The following EML4 variants were observed in gnomAD, a reference collection of about 807,000 sequenced individuals.
EML4 encodes EMAP like 4.
Under a neutral mutation model 129.0 loss-of-function variants are expected in EML4, and 72 were observed. The ratio of observed to expected loss-of-function variants is 0.56; its 90% CI spans 0.46 to 0.68. The LOEUF (loss-of-function observed/expected upper bound fraction) is 0.68. Among genes scored for constraint, EML4 ranks in the 30% least tolerant of loss-of-function variants. The pLI is 0.00. For synonymous variants in EML4, 532 were observed against 405.0 expected, an observed-to-expected ratio of 1.31 and a Z score of -3.77; for missense variants, 1,363 against 1,190.6, an observed-to-expected ratio of 1.14 and a Z score of -2.13.
chr2:42,299,006 G>A (rs576030846), intron 13 of EML4, among the ~76,000 whole-genome samples: 6 of 152,236 alleles, frequency 3.9e-5, no homozygotes, highest in East Asian at 1.9e-4. Context: ...CCTCCCTCTC[G>A]TGGTAACATC....
chr2:42,222,655 C>A (rs1461969258), intron 1 of EML4, among the ~76,000 whole-genome samples: 1 of 152,126 alleles, frequency 6.6e-6, no homozygotes, highest in Non-Finnish European at 1.5e-5. Flanking sequence ...TTTTCAAAAA[C>A]AGGACATAAA....
chr2:42,273,831 G>A (rs985842360), intron 6 of EML4, among the ~76,000 whole-genome samples: 2 of 152,012 alleles, frequency 1.3e-5, no homozygotes, highest in African/African-American at 4.8e-5. Flanking sequence ...TACATTTTAT[G>A]ATTTAACTAT....
intron 9 of EML4, among the ~76,000 whole-genome samples, chr2:42,285,225 A>G (rs1457043287): frequency 6.6e-6 from 1 of 152,096 alleles, no homozygotes; most frequent in African/African-American, 2.4e-5. Context: ...TCTTGATTTT[A>G]TGTGTGACTA....
intron 19 of EML4, among the ~76,000 whole-genome samples, chr2:42,322,910 A>G (rs1669593690): frequency 6.6e-6 from 1 of 152,208 alleles, no homozygotes; most frequent in Non-Finnish European, 1.5e-5. Context: ...TCTAAATATG[A>G]GTTAATAACT....
chr2:42,234,730 T>C (rs1363855604), intron 1 of EML4, among the ~76,000 whole-genome samples: 2 of 152,242 alleles, frequency 1.3e-5, no homozygotes, highest in East Asian at 3.8e-4. Flanking sequence ...TGAAAAAAGA[T>C]GGTCATGTAT....
At position 42,245,345 on chromosome 2, in the gene EML4, C is replaced by G. The variant is rs541463408; in HGVS notation, c.26-160C>G. On this transcript the variant is annotated intron_variant, in intron 1 of 22. Coordinates refer to ENST00000318522, the MANE Select transcript of EML4 (RefSeq NM_019063.5). ...TCCTGACCTCAGGTGATCTGCCTCT[C>G]TTGGCCCCTCAAAGTTCTGGAAGTA... 3.3e-5 allele frequency among the ~76,000 whole-genome samples: 5 copies of G among 151,838 alleles called. No homozygotes were observed. The South Asian group carries it at 1.0e-3, about 32-fold the overall frequency.
At chr2:42,310,438 T>A (rs1668873133) in intron 17 of EML4, among the ~76,000 whole-genome samples, 1 of 151,904 alleles carries the variant, frequency 6.6e-6, no homozygotes, top group Non-Finnish European at 1.5e-5. Flanking sequence ...CTCTGCCTCC[T>A]GGGTTCAAGT....
chr2:42,311,155 A>G (rs1021314392), intron 17 of EML4, among the ~76,000 whole-genome samples: 3 of 152,174 alleles, frequency 2.0e-5, no homozygotes, highest in Non-Finnish European at 2.9e-5. Context: ...CAAAACAGAC[A>G]CTCTAGGGTT....
intron 1 of EML4, among the ~76,000 whole-genome samples, chr2:42,213,825 T>C (rs988080907): frequency 6.6e-6 from 1 of 152,234 alleles, no homozygotes; most frequent in African/African-American, 2.4e-5. Flanking sequence ...GAAAGTACTT[T>C]TGTGTTTTCT....
chr2:42,226,980 C>T (rs530659111), intron 1 of EML4, among the ~76,000 whole-genome samples: 8 of 152,256 alleles, frequency 5.3e-5, no homozygotes, highest in Middle Eastern at 3.4e-3. Context: ...CACAAAATTT[C>T]CATGAAATTC....
chr2:42,237,378 G>T (rs561595075), intron 1 of EML4, among the ~76,000 whole-genome samples: 1 of 152,078 alleles, frequency 6.6e-6, no homozygotes, highest in South Asian at 2.1e-4. Context: ...GGTTTTTTTG[G>T]TGTCTTTTTT....
chr2:42,296,488 T>C (rs1339204813), intron 13 of EML4, among the ~76,000 whole-genome samples: 3 of 151,852 alleles, frequency 2.0e-5, no homozygotes, highest in Admixed American at 6.6e-5. Flanking sequence ...TCTCTCTCTC[T>C]CTCTCTCTCT....
At chr2:42,283,948 A>C (rs1021477331) in intron 8 of EML4, among the ~76,000 whole-genome samples, 2 of 152,204 alleles carry the variant, frequency 1.3e-5, no homozygotes, top group African/African-American at 2.4e-5. Context: ...TTCACAGTGT[A>C]CAACCGTTGT....
chr2:42,292,323 G>A, intron 11 of EML4, among the ~76,000 whole-genome samples: 1 of 152,174 alleles, frequency 6.6e-6, no homozygotes, highest in East Asian at 1.9e-4. Flanking sequence ...TTGCTAGAAG[G>A]CAAATAGCAG....
chr2:42,170,484 G>A (rs974363656), intron 1 of EML4, among the ~76,000 whole-genome samples: 2 of 152,242 alleles, frequency 1.3e-5, no homozygotes, highest in African/African-American at 4.8e-5. Context: ...AGAAAGGGAA[G>A]AGGTTATTAA....
chr2:42,257,011 A>G lies in EML4; in HGVS notation c.338+381A>G, dbSNP rs1474423789. 2.6e-5 allele frequency among the ~76,000 whole-genome samples: 4 copies of G among 152,224 alleles called. No homozygotes were observed. In the East Asian group the frequency reaches 5.8e-4, roughly 22 times the overall value. ...AAAGGCAAAACAGAATCTTCGATAT[A>G]TCTATGTTAGTGGGAGGTCAAATGC... is the stretch of plus-strand genomic sequence containing the variant. On this transcript the variant is annotated intron_variant, in intron 3 of 22. Coordinates refer to ENST00000318522, the MANE Select transcript of EML4 (RefSeq NM_019063.5).
chr2:42,282,783 A>G, intron 7 of EML4, 40 bp from the exon 8 acceptor site: 1 of 1,578,324 alleles, frequency 6.3e-7, no homozygotes, highest in Non-Finnish European at 8.7e-7. Context: ...ACAACTTGAA[A>G]ACTGTGTTTA....
At chr2:42,288,088 C>T (rs997592650) in intron 10 of EML4, 139 bp from the exon 11 acceptor site, 17 of 424,592 alleles carry the variant, frequency 4.0e-5, no homozygotes, top group Non-Finnish European at 7.2e-5. Context: ...ATAGTGTATT[C>T]ATTATGTTTC....
rs560242190 is a variant in EML4, at chr2:42,303,708, G to A, written c.1899+262G>A. On this transcript the variant is annotated intron_variant, in intron 16 of 22. Transcript: ENST00000318522. The stretch of plus-strand genomic sequence containing the variant: ...TGGGAGGCCCAGGCAGGCGGATCAC[G>A]AGGTCAGGAGATCGAGACCATCCTG... 1.1e-4 allele frequency among the ~76,000 whole-genome samples: 16 copies of A among 152,264 alleles called. No individual in the cohort carries two copies. In the South Asian group the frequency reaches 1.9e-3, roughly 18 times the overall value.
Sources: gnomAD v4.1 joint callset for allele counts (sites outside exome capture counted in the v4.1 genomes callset) on GRCh38, gnomAD v4.1.1 for gene constraint, MANE v1.5 for transcripts, NCBI Gene and HGNC (gene_info 2026-07-23, HGNC 2026-07-21) for gene names.